The following CAST variants were observed in gnomAD, a reference collection of about 807,000 sequenced individuals.
CAST encodes the protein MIR583 host.
A neutral mutation model predicts 119.6 loss-of-function variants in CAST; 76 were observed. The ratio of observed to expected loss-of-function variants is 0.64; its 90% CI spans 0.53 to 0.77. The LOEUF (loss-of-function observed/expected upper bound fraction) is 0.77, where lower values mean the gene tolerates loss of function less well. Among genes scored for constraint, CAST ranks in the 30% least tolerant of loss-of-function variants. CAST has a pLI of 0.00. For missense variants in CAST, 953 were observed against 946.5 expected, an observed-to-expected ratio of 1.01 and a Z score of -0.09; for synonymous variants, 319 against 331.6, an observed-to-expected ratio of 0.96 and a Z score of 0.41.
the CAST span, among the ~76,000 whole-genome samples, chr5:96,271,012 AAG>A: frequency 2.8e-5 from 2 of 71,938 alleles, no homozygotes; most frequent in Non-Finnish European, 6.8e-5. Flanking sequence ...AAAAAAAATG[AAG>A]AAAGCAACCC....
intron 22 of CAST, among the ~76,000 whole-genome samples, chr5:96,757,235 C>T (rs141698456): frequency 2.2e-4 from 34 of 152,314 alleles, no homozygotes; most frequent in Non-Finnish European, 4.4e-5. Context: ...CCCCGTGACT[C>T]AGGAATGCCT....
chr5:96,157,702 C>T, the CAST span, among the ~76,000 whole-genome samples: 2 of 152,210 alleles, frequency 1.3e-5, no homozygotes, highest in Non-Finnish European at 2.9e-5. Flanking sequence ...AGCAATTGGC[C>T]TTCTCACTTT....
chr5:96,519,276 A>T, the CAST span, among the ~76,000 whole-genome samples: 1 of 152,174 alleles, frequency 6.6e-6, no homozygotes, highest in African/African-American at 2.4e-5. Context: ...TGGGACCAAA[A>T]CAGGACCAAG....
intron 1 of CAST, among the ~76,000 whole-genome samples, chr5:96,560,556 C>A (rs1186438589): frequency 6.6e-6 from 1 of 152,204 alleles, no homozygotes; most frequent in Non-Finnish European, 1.5e-5. Context: ...TGAACAGACA[C>A]TTCTCAAAAG....
intron 3 of CAST, among the ~76,000 whole-genome samples, chr5:96,715,868 T>C (rs1581096599): frequency 6.6e-6 from 1 of 152,242 alleles, no homozygotes; most frequent in Admixed American, 6.5e-5. Context: ...CTAGATCTGC[T>C]AGCACAACAC....
chr5:96,047,529 T>A, the CAST span, among the ~76,000 whole-genome samples: 1 of 152,248 alleles, frequency 6.6e-6, no homozygotes, highest in African/African-American at 2.4e-5. Flanking sequence ...AGAATTGTCT[T>A]CTGTAATTTG....
chr5:96,636,746 G>C (rs559393273), intron 1 of CAST, among the ~76,000 whole-genome samples: 18 of 152,310 alleles, frequency 1.2e-4, no homozygotes, highest in African/African-American at 4.3e-4. Flanking sequence ...GGTCAGTGGT[G>C]GCTGTGGCTG....
chr5:96,521,392 G>C (rs1184440811), upstream of CAST, among the ~76,000 whole-genome samples: 1 of 152,172 alleles, frequency 6.6e-6, no homozygotes, highest in East Asian at 1.9e-4. Context: ...CATTGCTCCA[G>C]GCACACCAAA....
the CAST span, among the ~76,000 whole-genome samples, chr5:96,170,274 C>T: frequency 0.025 from 3,811 of 152,222 alleles, 173 homozygotes; most frequent in African/African-American, 0.087. Flanking sequence ...AGATGGGACA[C>T]GACTTAGGAG....
At chr5:96,539,560 G>A (rs989371197) in intron 1 of CAST, among the ~76,000 whole-genome samples, 29 of 151,948 alleles carry the variant, frequency 1.9e-4, no homozygotes, top group African/African-American at 6.8e-4. Context: ...AAGTTCTATA[G>A]GTTTTGACAA....
chr5:96,686,949 C>T (rs1752151373), intron 2 of CAST, among the ~76,000 whole-genome samples: 1 of 152,140 alleles, frequency 6.6e-6, no homozygotes, highest in African/African-American at 2.4e-5. Flanking sequence ...TTAATTTTAA[C>T]AATCTAATTC....
chr5:96,400,552 A>G, the CAST span, among the ~76,000 whole-genome samples: 1 of 152,230 alleles, frequency 6.6e-6, no homozygotes, highest in Non-Finnish European at 1.5e-5. Flanking sequence ...CTCCAGTCTC[A>G]TGCTGTCCAT....
chr5:96,172,869 C>T, the CAST span, among the ~76,000 whole-genome samples: 2 of 152,218 alleles, frequency 1.3e-5, no homozygotes, highest in African/African-American at 2.4e-5. Flanking sequence ...TCACTCCCAC[C>T]ATTTCTGGAC....
At chr5:96,050,261 G>A in the CAST span, 1 of 152,314 alleles carries the variant, frequency 6.6e-6, no homozygotes, top group Non-Finnish European at 1.5e-5. Flanking sequence ...TGGCTGTGAG[G>A]GGAAAAGAGA....
the CAST span, among the ~76,000 whole-genome samples, chr5:96,336,060 A>G: frequency 6.6e-6 from 1 of 152,160 alleles, no homozygotes; most frequent in Non-Finnish European, 1.5e-5. Context: ...AATGATTCAT[A>G]TACAAAACAG....
the CAST span, among the ~76,000 whole-genome samples, chr5:96,443,929 T>C: frequency 1.3e-5 from 2 of 152,250 alleles, no homozygotes; most frequent in African/African-American, 2.4e-5. Flanking sequence ...CAATTCTCTA[T>C]TTCATGTTGC....
chr5:95,965,024 CTG>C, the CAST span: 1 of 151,604 alleles, frequency 6.6e-6, no homozygotes, highest in Non-Finnish European at 1.5e-5. Context: ...TATTTAATGA[CTG>C]TTTCTCACAT....
intron 9 of CAST, among the ~76,000 whole-genome samples, chr5:96,734,079 T>G (rs141204856): frequency 3.7e-4 from 56 of 152,174 alleles, no homozygotes; most frequent in African/African-American, 1.3e-3. Flanking sequence ...CACAAGAGCT[T>G]TGGAAGAGTA....
chr5:96,351,316 A>G, the CAST span, among the ~76,000 whole-genome samples: 1 of 152,242 alleles, frequency 6.6e-6, no homozygotes, highest in Non-Finnish European at 1.5e-5. Context: ...TGCTATGGCC[A>G]AAGAGATATA....
Sources: allele counts gnomAD v4.1 joint callset (sites outside exome capture counted in the v4.1 genomes callset), GRCh38; gene constraint gnomAD v4.1.1; transcripts MANE v1.5; gene names NCBI Gene and HGNC (gene_info 2026-07-23, HGNC 2026-07-21).